STIM2: variants seen among roughly 807,000 people sequenced by gnomAD.
The protein encoded by STIM2 is stromal interaction molecule 2.
STIM2 carries 31 observed loss-of-function variants against 85.8 expected under a neutral mutation model. The observed-to-expected ratio is 0.36, with a 90% confidence interval of 0.27 to 0.49. The LOEUF is 0.49. Ranked by LOEUF, STIM2 falls within the 20% of genes least tolerant of loss-of-function variation. STIM2 has a pLI of 0.98. For synonymous variants in STIM2, 356 were observed against 331.1 expected (o/e 1.08, Z -0.82); for missense variants, 841 against 927.6 (o/e 0.91, Z 1.21).
intron 1 of STIM2, chr4:26,874,469 A>G (rs1354136126): frequency 5.9e-6 from 1 of 169,850 alleles, no homozygotes; most frequent in Non-Finnish European, 1.3e-5. Flanking sequence ...GGTGACTGGT[A>G]ACTTCTAGTG....
intron 1 of STIM2, among the ~76,000 whole-genome samples, chr4:26,894,140 G>A (rs908560603): frequency 8.5e-5 from 13 of 152,138 alleles, no homozygotes; most frequent in African/African-American, 2.7e-4. Context: ...ACCCGCCTCG[G>A]CCTCCCAAAG....
chr4:27,001,813 T>A (rs1034576749), intron 5 of STIM2, among the ~76,000 whole-genome samples: 1 of 152,164 alleles, frequency 6.6e-6, no homozygotes, highest in Non-Finnish European at 1.5e-5. Flanking sequence ...GAGAGAAACG[T>A]GACAGCTGCC....
At chr4:26,910,027 C>G (rs186129978) in intron 1 of STIM2, among the ~76,000 whole-genome samples, 2 of 152,130 alleles carry the variant, frequency 1.3e-5, no homozygotes, top group African/African-American at 4.8e-5. Flanking sequence ...ATGTGTGTAC[C>G]CAAATCTTTT....
rs115371905 is a variant in STIM2 at position 26,885,320 on chromosome 4, C to T, written c.151+23951C>T. Among the ~76,000 whole-genome samples the T allele has an allele frequency of 7.9e-3, 1,203 of 152,252 alleles. 14 individuals are homozygous for T. Among genetic ancestry groups the T allele is most frequent in the African/African-American group, 0.027 (1,127 of 41,550 alleles). ...ACTCACATGTTATTAGCACCCAGAT[C>T]GAGAAACATAATGTTGCCTTTACCC... is the stretch of plus-strand genomic sequence containing the variant. On this transcript the variant is annotated intron_variant, in intron 1 of 11. Transcript: ENST00000467087.
intron 3 of STIM2, among the ~76,000 whole-genome samples, chr4:26,974,467 T>C (rs1727103372): frequency 6.6e-6 from 1 of 152,240 alleles, no homozygotes; most frequent in Non-Finnish European, 1.5e-5. Flanking sequence ...TGCTTGTCTG[T>C]AAAGGATTTT....
intron 1 of STIM2, among the ~76,000 whole-genome samples, chr4:26,887,517 A>G (rs933699880): frequency 2.0e-5 from 3 of 152,130 alleles, no homozygotes; most frequent in East Asian, 1.9e-4. Context: ...CAACTTTTCC[A>G]TTAGTAGGCA....
intron 3 of STIM2, among the ~76,000 whole-genome samples, chr4:26,971,872 G>T (rs1230716442): frequency 1.3e-5 from 2 of 152,198 alleles, no homozygotes; most frequent in Non-Finnish European, 2.9e-5. Flanking sequence ...CTATCCATGA[G>T]CATGGAATAT....
At chr4:26,975,135 C>T (rs575134892) in intron 3 of STIM2, among the ~76,000 whole-genome samples, 4 of 152,218 alleles carry the variant, frequency 2.6e-5, no homozygotes, top group East Asian at 1.9e-4. Flanking sequence ...GTTAGCCATT[C>T]GTCTAATCTT....
At chr4:26,881,239 G>A (rs1723004239) in intron 1 of STIM2, among the ~76,000 whole-genome samples, 1 of 152,128 alleles carries the variant, frequency 6.6e-6, no homozygotes, top group Non-Finnish European at 1.5e-5. Context: ...GCCTAGGCAG[G>A]TGGATCATCT....
intron 10 of STIM2, among the ~76,000 whole-genome samples, chr4:27,011,327 A>AT (rs1312111176): frequency 3.9e-5 from 6 of 152,348 alleles, no homozygotes; most frequent in Admixed American, 3.9e-4. Context: ...GTCACTGCTT[A>AT]ATGAGTTAAC....
At chr4:26,971,327 G>A (rs1726940044) in intron 3 of STIM2, among the ~76,000 whole-genome samples, 1 of 152,144 alleles carries the variant, frequency 6.6e-6, no homozygotes, top group Admixed American at 6.5e-5. Flanking sequence ...CCGTGCCTAT[G>A]TCCTGAATGG....
chr4:26,867,378 T>G (rs1722447431), intron 1 of STIM2, among the ~76,000 whole-genome samples: 1 of 152,178 alleles, frequency 6.6e-6, no homozygotes, highest in Non-Finnish European at 1.5e-5. Flanking sequence ...TATGTGATGA[T>G]TTACAAAGTT....
chr4:26,886,554 C>T (rs1046374243), intron 1 of STIM2, among the ~76,000 whole-genome samples: 6 of 152,134 alleles, frequency 3.9e-5, no homozygotes, highest in African/African-American at 1.4e-4. Flanking sequence ...TGAGACCCTT[C>T]AGGTGGAGAG....
intron 1 of STIM2, 97 bp downstream of exon 1, chr4:26,861,466 C>G (rs779918906): frequency 2.4e-6 from 3 of 1,233,652 alleles, no homozygotes; most frequent in Non-Finnish European, 2.0e-6. Flanking sequence ...TCCGCTATTC[C>G]GCGGCTCCGG....
intron 10 of STIM2, among the ~76,000 whole-genome samples, chr4:27,012,561 T>C (rs527668105): frequency 1.3e-5 from 2 of 152,088 alleles, no homozygotes; most frequent in Non-Finnish European, 2.9e-5. Flanking sequence ...CCGTTGGATT[T>C]GGTGTGCTGA....
At chr4:26,948,954 T>C (rs1725945897) in intron 2 of STIM2, among the ~76,000 whole-genome samples, 1 of 152,276 alleles carries the variant, frequency 6.6e-6, no homozygotes, top group South Asian at 2.1e-4. Context: ...ATAATGACTA[T>C]TAAGTGGTGA....
chr4:26,904,488 A>G (rs1724048216), intron 1 of STIM2, among the ~76,000 whole-genome samples: 1 of 152,140 alleles, frequency 6.6e-6, no homozygotes, highest in Non-Finnish European at 1.5e-5. Context: ...TAAATGAGGA[A>G]GAAAATGATC....
chr4:26,860,898 A>AGG lies in STIM2; in HGVS notation c.-320_-319insGG. The stretch of plus-strand genomic sequence containing the variant: ...AGCGCGGGTGTCGTGCACCGCCTGA[A>AGG]GACGCCGTACCTTTCTACCCCCCAC... On this transcript the variant is annotated 5_prime_UTR_variant, in exon 1 of 12. Coordinates refer to ENST00000467087, the MANE Select transcript of STIM2 (RefSeq NM_020860.4). 9.4e-7 allele frequency: 1 copy of AGG among 1,062,446 alleles called. No homozygotes were observed. The highest frequency in any genetic ancestry group is 1.8e-5 in the African/African-American group (1 of 56,740). The allele number at this position is 1,062,446 out of a possible 1,614,324, so 65.8% of individuals were successfully genotyped here. A position where few individuals can be genotyped will look rare whatever the true frequency, so the allele number is the denominator to read the frequency against.
At chr4:26,928,663 C>T (rs181671163) in intron 2 of STIM2, among the ~76,000 whole-genome samples, 18 of 152,182 alleles carry the variant, frequency 1.2e-4, no homozygotes, top group East Asian at 5.8e-4. Context: ...CATGCACCAG[C>T]GTTTATCAGA....
Sources: allele counts gnomAD v4.1 joint callset (sites outside exome capture counted in the v4.1 genomes callset), GRCh38; gene constraint gnomAD v4.1.1; transcripts MANE v1.5; gene names NCBI Gene and HGNC (gene_info 2026-07-23, HGNC 2026-07-21).